SLC35D4: variants seen among roughly 807,000 people sequenced by gnomAD.
The protein encoded by SLC35D4 is solute carrier family 35 member D4.
the SLC35D4 span, among the ~76,000 whole-genome samples, chr18:23,245,503 C>CAAA: frequency 3.2e-5 from 3 of 94,570 alleles, no homozygotes; most frequent in Admixed American, 1.2e-4. Flanking sequence ...CATCCTGTCT[C>CAAA]AAAAAAAAAA....
the SLC35D4 span, among the ~76,000 whole-genome samples, chr18:23,301,141 T>C: frequency 1.3e-5 from 2 of 152,228 alleles, no homozygotes; most frequent in Non-Finnish European, 2.9e-5. Flanking sequence ...CTAAACTATT[T>C]TTTCCTTTTT....
At chr18:23,276,688 C>T in the SLC35D4 span, among the ~76,000 whole-genome samples, 1 of 152,230 alleles carries the variant, frequency 6.6e-6, no homozygotes, top group African/African-American at 2.4e-5. Context: ...CACATACCGC[C>T]AAGTCAACCC....
the SLC35D4 span, among the ~76,000 whole-genome samples, chr18:23,336,370 C>A: frequency 6.6e-6 from 1 of 152,144 alleles, no homozygotes; most frequent in Non-Finnish European, 1.5e-5. Context: ...GTTATTATTG[C>A]CGAGCGAGAG....
At chr18:23,361,862 A>G in the SLC35D4 span, among the ~76,000 whole-genome samples, 14 of 152,302 alleles carry the variant, frequency 9.2e-5, no homozygotes, top group East Asian at 2.7e-3. Flanking sequence ...TATTCCCCCA[A>G]TACATTTTCT....
At chr18:23,363,958 CTG>C in the SLC35D4 span, among the ~76,000 whole-genome samples, 1 of 152,198 alleles carries the variant, frequency 6.6e-6, no homozygotes, top group Non-Finnish European at 1.5e-5. Context: ...ACAATAGGAA[CTG>C]TGCTTTCATA....
At chr18:23,330,605 C>T in the SLC35D4 span, among the ~76,000 whole-genome samples, 1 of 152,150 alleles carries the variant, frequency 6.6e-6, no homozygotes, top group African/African-American at 2.4e-5. Context: ...TCTGGGGACG[C>T]CTGGCATTCA....
the SLC35D4 span, among the ~76,000 whole-genome samples, chr18:23,380,590 G>A: frequency 1.3e-5 from 2 of 152,150 alleles, no homozygotes; most frequent in Non-Finnish European, 2.9e-5. Flanking sequence ...CTGCGTTAAG[G>A]CTAAGAAATG....
the SLC35D4 span, among the ~76,000 whole-genome samples, chr18:23,342,319 T>C: frequency 6.6e-6 from 1 of 152,164 alleles, no homozygotes; most frequent in South Asian, 2.1e-4. Flanking sequence ...AATAATACTA[T>C]ATGTATTCTT....
the SLC35D4 span, among the ~76,000 whole-genome samples, chr18:23,405,388 C>T: frequency 4.6e-5 from 7 of 152,114 alleles, no homozygotes; most frequent in Non-Finnish European, 1.0e-4. Context: ...GGGCGTTTCA[C>T]CATGTTGGTC....
chr18:23,296,245 T>C, the SLC35D4 span: 1 of 151,592 alleles, frequency 6.6e-6, no homozygotes, highest in Non-Finnish European at 1.5e-5. Flanking sequence ...AGTATAATAA[T>C]AAAAAAAAGA....
At chr18:23,313,033 A>T in the SLC35D4 span, among the ~76,000 whole-genome samples, 353 of 147,732 alleles carry the variant, frequency 2.4e-3, 1 homozygote, top group Non-Finnish European at 4.1e-3. Flanking sequence ...AGGCTGAGGC[A>T]GGAGAATCGC....
the SLC35D4 span, among the ~76,000 whole-genome samples, chr18:23,329,404 CAG>C: frequency 3.9e-5 from 6 of 152,194 alleles, no homozygotes; most frequent in Admixed American, 3.9e-4. Flanking sequence ...AAGGATGTAA[CAG>C]ACACTTCTCA....
chr18:23,367,510 C>T, the SLC35D4 span, among the ~76,000 whole-genome samples: 999 of 152,114 alleles, frequency 6.6e-3, 10 homozygotes, highest in African/African-American at 0.023. Context: ...GGGAGGGTGC[C>T]AAAGATGAAT....
the SLC35D4 span, among the ~76,000 whole-genome samples, chr18:23,240,759 C>G: frequency 3.3e-5 from 5 of 152,348 alleles, no homozygotes; most frequent in African/African-American, 1.2e-4. Flanking sequence ...CCAGCAGAGG[C>G]GCCCACCTGA....
At chr18:23,418,349 A>AATTT in the SLC35D4 span, among the ~76,000 whole-genome samples, 1 of 142,584 alleles carries the variant, frequency 7.0e-6, no homozygotes, top group South Asian at 2.3e-4. Flanking sequence ...GAGAAGCCAA[A>AATTT]ATTATTATTA....
At chr18:23,360,875 G>A in the SLC35D4 span, among the ~76,000 whole-genome samples, 1 of 152,048 alleles carries the variant, frequency 6.6e-6, no homozygotes, top group African/African-American at 2.4e-5. Flanking sequence ...GCCAAGGCGG[G>A]TGGATCACTT....
At chr18:23,252,085 CAAAA>C in the SLC35D4 span, among the ~76,000 whole-genome samples, 3 of 72,228 alleles carry the variant, frequency 4.2e-5, no homozygotes, top group Non-Finnish European at 5.7e-5. Flanking sequence ...GACTCCGTCT[CAAAA>C]AAAAAAAAAA....
At chr18:23,255,402 A>G in the SLC35D4 span, among the ~76,000 whole-genome samples, 1 of 152,172 alleles carries the variant, frequency 6.6e-6, no homozygotes, top group Non-Finnish European at 1.5e-5. Context: ...CCCCAATTGA[A>G]AAGAGTATTT....
At chr18:23,340,849 G>T in the SLC35D4 span, among the ~76,000 whole-genome samples, 3 of 152,248 alleles carry the variant, frequency 2.0e-5, no homozygotes, top group Non-Finnish European at 4.4e-5. Context: ...TTGCTCTTGC[G>T]CCACATAAAC....
Sources: allele counts gnomAD v4.1 joint callset (sites outside exome capture counted in the v4.1 genomes callset), GRCh38; gene constraint gnomAD v4.1.1; transcripts MANE v1.5; gene names NCBI Gene and HGNC (gene_info 2026-07-23, HGNC 2026-07-21).